The following EIF3F variants were observed in gnomAD, a reference collection of about 807,000 sequenced individuals.
The protein encoded by EIF3F is deubiquitinating enzyme eIF3f.
EIF3F carries 8 observed loss-of-function variants against 36.0 expected under a neutral mutation model. That is an observed-to-expected ratio of 0.22 (90% CI 0.13 to 0.40). The LOEUF (loss-of-function observed/expected upper bound fraction) is 0.40, where lower values mean the gene tolerates loss of function less well. EIF3F is among the 10% of genes least tolerant of loss of function. The pLI, the probability that EIF3F is intolerant of heterozygous loss-of-function variation, is 1.00. For missense variants in EIF3F, 430 were observed against 467.6 expected, an observed-to-expected ratio of 0.92 and a Z score of 0.74; for synonymous variants, 184 against 188.5, an observed-to-expected ratio of 0.98 and a Z score of 0.19.
chr11:7,992,771 T>TCA (rs1942112433), intron 3 of EIF3F, 116 bp from the exon 4 acceptor site: 1 of 1,338,430 alleles, frequency 7.5e-7, no homozygotes, highest in African/African-American at 1.4e-5. Flanking sequence ...GCAGTTGGTG[T>TCA]CACTAGGTGT....
Position 7,995,109 on chromosome 11 carries a change from G to T in EIF3F, c.873G>T (p.Glu291Asp). Reference protein sequence around the residue: ...DALSTVLQYAEDVLSGKVSAD... With the variant: ...DALSTVLQYADDVLSGKVSAD... ...TGAGTACAGTGTTGCAATATGCAGA[G>T]GATGTACTGGTGAGAGGGGAAAGAA... The change falls in exon 6 of 8, where the codon GAG (glutamate) becomes GAT (aspartate). Residue 291 changes from glutamate (E) to aspartate (D), a missense_variant. This residue lies in a region of EIF3F where 262 missense variants were observed against 347.4 expected (regional missense o/e 0.75). Coordinates refer to ENST00000651655, the MANE Select transcript of EIF3F (RefSeq NM_003754.3). The T allele has an allele frequency of 6.2e-7, 1 of 1,613,962 alleles. No homozygotes were observed. Among genetic ancestry groups the T allele is most frequent in the Non-Finnish European group, 8.5e-7 (1 of 1,179,892 alleles).
At position 7,998,664 on chromosome 11, in the gene EIF3F, G is replaced by C. The variant is rs1334863645; in HGVS notation, c.*2642G>C. 6 of 151,962 alleles carry C rather than the reference G, an allele frequency of 3.9e-5. No individual in the cohort carries two copies. 9.4% of individuals were successfully genotyped at this position (151,962 alleles called of 1,614,324 possible). On this transcript the variant is annotated 3_prime_UTR_variant, in exon 8 of 8. Coordinates refer to ENST00000651655, the MANE Select transcript of EIF3F (RefSeq NM_003754.3). ...AGCAAGAGGTAAATTCACACATACG[G>C]AGTCTGCAAAAAATGAGAATTGACT...
rs1170198051 is a variant in EIF3F at position 8,001,671 on chromosome 11, C to G, written c.*5649C>G. ...TACGGGAAAATAAATAATATAAATA[C>G]CTAGAATATTTGTGAAGGTACAGCC... On this transcript the variant is annotated 3_prime_UTR_variant, in exon 8 of 8. Transcript: ENST00000651655. 1.3e-5 allele frequency: 2 copies of G among 151,622 alleles called. No individual in the cohort carries two copies. The highest frequency in any genetic ancestry group is 4.9e-5 in the African/African-American group (2 of 41,214). 9.4% of individuals were successfully genotyped at this position (151,622 alleles called of 1,614,324 possible).
Position 7,987,374 on chromosome 11 carries a change from G to T in EIF3F, c.22G>T (p.Val8Leu). The T allele has an allele frequency of 6.3e-7, 1 of 1,597,286 alleles. No homozygotes were observed. Among genetic ancestry groups the T allele is most frequent in the Non-Finnish European group, 8.5e-7 (1 of 1,178,182 alleles). ...CAAGATGGCCACACCGGCGGTACCA[G>T]TAAGTGCTCCTCCGGCCACGCCAAC... MATPAVP[V>L]SAPPATPTPV... Residue 8 changes from valine to leucine, a missense_variant, in exon 1 of 8, where the codon GTA (valine) becomes TTA (leucine). Physicochemically the swap from Val to Leu is conservative, Grantham distance 32. Coordinates refer to ENST00000651655, the MANE Select transcript of EIF3F (RefSeq NM_003754.3).
intron 6 of EIF3F, 56 bp downstream of exon 6, chr11:7,995,174 A>G: frequency 1.2e-6 from 2 of 1,607,724 alleles, no homozygotes; most frequent in Non-Finnish European, 1.7e-6. Flanking sequence ...TCCTGGGATC[A>G]CTGAGGCATG....
At chr11:7,991,449 A>G (rs1942094214) in intron 1 of EIF3F, among the ~76,000 whole-genome samples, 1 of 152,162 alleles carries the variant, frequency 6.6e-6, no homozygotes, top group African/African-American at 2.4e-5. Flanking sequence ...AGATTAAATT[A>G]CAGGGAGAAA....
chr11:7,987,521 G>C lies in EIF3F; in HGVS notation c.169G>C (p.Ala57Pro). Residue 57 changes from alanine to proline, a missense_variant, in exon 1 of 8, where the codon GCG becomes CCG. Physicochemically the swap from Ala to Pro is conservative, Grantham distance 27. Around this residue, in one of 2 missense-constraint regions of EIF3F, gnomAD observed 168 missense variants for 120.2 expected, o/e 1.40. Transcript: ENST00000651655. ...SDPAAAAAATAAPGQTPASAQ... is the reference protein window; with the variant it reads ...SDPAAAAAATPAPGQTPASAQ... ...CCCTGCGGCAGCAGCGGCTGCAACT[G>C]CGGCTCCTGGCCAGACCCCGGCCTC... The C allele has an allele frequency of 6.2e-7, 1 of 1,605,988 alleles. No individual in the cohort carries two copies. Among genetic ancestry groups the C allele is most frequent in the Non-Finnish European group, 8.5e-7 (1 of 1,177,478 alleles).
Position 7,998,261 on chromosome 11 carries a change from T to G in EIF3F, c.*2239T>G, listed in dbSNP as rs1200781066. ...ATCAACCCATCAGTACATAAACTTGTTACATGTGTTTCTGTTTGAAGACAC... is the reference window on the plus strand; with the variant it reads ...ATCAACCCATCAGTACATAAACTTGGTACATGTGTTTCTGTTTGAAGACAC... On this transcript the variant is annotated 3_prime_UTR_variant, in exon 8 of 8. Transcript: ENST00000651655. 6.6e-6 allele frequency: 1 copy of G among 152,138 alleles called. No homozygotes were observed. Among genetic ancestry groups the G allele is most frequent in the Non-Finnish European group, 1.5e-5 (1 of 68,000 alleles). 9.4% of individuals were successfully genotyped at this position (152,138 alleles called of 1,614,324 possible). A position where few individuals can be genotyped will look rare whatever the true frequency, so the allele number is the denominator to read the frequency against.
At chr11:7,991,718 G>C in intron 1 of EIF3F, 63 bp from the exon 2 acceptor site, 1 of 1,495,222 alleles carries the variant, frequency 6.7e-7, no homozygotes, top group Non-Finnish European at 9.3e-7. Flanking sequence ...CATTTCAAAA[G>C]TAGTCAGAGG....
intron 1 of EIF3F, among the ~76,000 whole-genome samples, chr11:7,990,891 AT>A (rs1263215376): frequency 3.4e-4 from 51 of 148,476 alleles, no homozygotes; most frequent in South Asian, 1.1e-3. Context: ...AAATAAATAA[AT>A]AAATAAATAA....
chr11:7,992,795 T>C (rs1431438335), intron 3 of EIF3F, 92 bp from the exon 4 acceptor site: 4 of 1,558,950 alleles, frequency 2.6e-6, no homozygotes, highest in African/African-American at 1.4e-5. Flanking sequence ...ACCGTAGAAG[T>C]GTCCGGTACC....
intron 2 of EIF3F, 112 bp from the exon 3 acceptor site, chr11:7,991,972 G>T: frequency 6.7e-7 from 1 of 1,495,908 alleles, no homozygotes; most frequent in Non-Finnish European, 9.3e-7. Context: ...CTTCCCATTT[G>T]TACGTACTTC....
rs1318241454 is a variant in EIF3F at position 8,001,471 on chromosome 11, A to G, written c.*5449A>G. The G allele has an allele frequency of 6.6e-6, 1 of 152,242 alleles. No homozygotes were observed. The highest frequency in any genetic ancestry group is 1.5e-5 in the Non-Finnish European group (1 of 68,048). The allele number at this position is 152,242 out of a possible 1,614,324, so 9.4% of individuals were successfully genotyped here. On this transcript the variant is annotated 3_prime_UTR_variant, in exon 8 of 8. Transcript: ENST00000651655. Reference sequence around the variant, plus strand: ...TGGTTATCATAGCGTAAAGATGGTAATCAACCCAAATGACTATTACCAGAA... The same window carrying G: ...TGGTTATCATAGCGTAAAGATGGTAGTCAACCCAAATGACTATTACCAGAA...
At chr11:7,992,605 G>C (rs1942110424) in intron 3 of EIF3F, 1 of 488,374 alleles carries the variant, frequency 2.0e-6, no homozygotes, top group Non-Finnish European at 3.7e-6. Context: ...TGTGTTACCT[G>C]TAGGAACTGT....
intron 3 of EIF3F, 113 bp from the exon 4 acceptor site, chr11:7,992,774 C>G: frequency 7.2e-7 from 1 of 1,385,982 alleles, no homozygotes; most frequent in East Asian, 2.3e-5. Context: ...GTTGGTGTCA[C>G]TAGGTGTCCT....
chr11:7,992,340 G>A (rs1942107379), intron 3 of EIF3F, 177 bp downstream of exon 3: 3 of 630,254 alleles, frequency 4.8e-6, no homozygotes, highest in Non-Finnish European at 8.2e-6. Context: ...GCTGAGGCAG[G>A]AGGATCACTT....
Position 7,987,337 on chromosome 11 carries a change from CTTCT to C in EIF3F, c.-11_-8del. ...ATGCTGTCATTTCCGCTTCCGCCTC[CTTCT>C]TTCTCGACAAGATGGCCACACCGGC... On this transcript the variant is annotated 5_prime_UTR_variant, in exon 1 of 8. Transcript: ENST00000651655. 6.3e-7 allele frequency: 1 copy of C among 1,587,866 alleles called. No homozygotes were observed.
chr11:7,987,546 C>T lies in EIF3F; in HGVS notation c.194C>T (p.Ser65Leu), dbSNP rs1456086846. 9 of 1,603,438 alleles carry T rather than the reference C, an allele frequency of 5.6e-6. No individual in the cohort carries two copies. Among genetic ancestry groups the T allele is most frequent in the Non-Finnish European group, 6.8e-6 (8 of 1,176,038 alleles). ...GCGGCTCCTGGCCAGACCCCGGCCT[C>T]AGCGCAAGCTCCAGCGCAGACCCCA... ...ATAAPGQTPA[S>L]AQAPAQTPAP... Residue 65 changes from serine (S) to leucine (L), a missense_variant, in exon 1 of 8, where the codon TCA (serine) becomes TTA (leucine). Coordinates refer to ENST00000651655, the MANE Select transcript of EIF3F (RefSeq NM_003754.3).
At chr11:7,989,622 A>G (rs1942069271) in intron 1 of EIF3F, among the ~76,000 whole-genome samples, 1 of 150,074 alleles carries the variant, frequency 6.7e-6, no homozygotes, top group Non-Finnish European at 1.5e-5. Flanking sequence ...CTTAAACTCA[A>G]GATAGAAGTG....
Sources: allele counts gnomAD v4.1 joint callset (sites outside exome capture counted in the v4.1 genomes callset), GRCh38; gene constraint gnomAD v4.1.1; regional missense constraint gnomAD v4.1.1; transcripts MANE v1.5; gene names NCBI Gene and HGNC (gene_info 2026-07-23, HGNC 2026-07-21).